The following PALS2 variants were observed in gnomAD, a reference collection of about 807,000 sequenced individuals.
PALS2 encodes the protein protein associated with LIN7 2, MAGUK p55 family member.
PALS2 carries 27 observed loss-of-function variants against 61.6 expected under a neutral mutation model. The ratio of observed to expected loss-of-function variants is 0.44; its 90% CI spans 0.32 to 0.60. The LOEUF is 0.60. Among genes scored for constraint, PALS2 ranks in the 20% least tolerant of loss-of-function variants. The pLI, the probability that PALS2 is intolerant of heterozygous loss-of-function variation, is 0.05. For synonymous variants in PALS2, 236 were observed against 218.6 expected, an observed-to-expected ratio of 1.08 and a Z score of -0.70; for missense variants, 554 against 639.4, an observed-to-expected ratio of 0.87 and a Z score of 1.44.
chr7:24,669,510 T>G (rs1787193961), intron 9 of PALS2, among the ~76,000 whole-genome samples: 1 of 152,226 alleles, frequency 6.6e-6, no homozygotes, highest in South Asian at 2.1e-4. Context: ...CTAACATTGC[T>G]TTCATTCCCA....
At chr7:24,607,654 C>T (rs533725379) in intron 1 of PALS2, among the ~76,000 whole-genome samples, 17 of 145,634 alleles carry the variant, frequency 1.2e-4, no homozygotes, top group East Asian at 7.9e-4. Context: ...TATATGTATG[C>T]GTATGTATAC....
chr7:24,674,925 A>G (rs1787483564), intron 9 of PALS2, among the ~76,000 whole-genome samples: 1 of 152,210 alleles, frequency 6.6e-6, no homozygotes, highest in African/African-American at 2.4e-5. Context: ...AAGAGCAGCT[A>G]AAATTGAGAA....
chr7:24,612,271 A>G (rs561814559), intron 1 of PALS2, among the ~76,000 whole-genome samples: 19 of 151,990 alleles, frequency 1.3e-4, no homozygotes, highest in African/African-American at 4.6e-4. Flanking sequence ...TTTATTGTAT[A>G]TTGTTTCATT....
rs533988487 is a variant in PALS2 at position 24,628,354 on chromosome 7, A to C, written c.117+4570A>C. Among the ~76,000 whole-genome samples the C allele has an allele frequency of 2.0e-5, 3 of 152,332 alleles. No homozygotes were observed. In the East Asian group the frequency reaches 5.8e-4, roughly 29 times the overall value. ...AAAACACTCAATAAACTAGGTATTGATGGAACATATCTCAAAATAAGAGCT... is the reference window on the plus strand; with the variant it reads ...AAAACACTCAATAAACTAGGTATTGCTGGAACATATCTCAAAATAAGAGCT... On this transcript the variant is annotated intron_variant, in intron 2 of 11. Coordinates refer to ENST00000222644, the MANE Select transcript of PALS2 (RefSeq NM_001303037.2).
At chr7:24,610,248 T>C (rs1012596050) in intron 1 of PALS2, among the ~76,000 whole-genome samples, 7 of 152,176 alleles carry the variant, frequency 4.6e-5, no homozygotes, top group Non-Finnish European at 7.4e-5. Flanking sequence ...GTAAGTAATT[T>C]ACCCGGGTTT....
chr7:24,616,844 C>T (rs1384303796), intron 1 of PALS2, among the ~76,000 whole-genome samples: 2 of 152,046 alleles, frequency 1.3e-5, no homozygotes, highest in African/African-American at 4.8e-5. Context: ...GTTTTTAGAA[C>T]TCTTTGTCTT....
At chr7:24,670,876 CT>C (rs1443119149) in intron 9 of PALS2, among the ~76,000 whole-genome samples, 1 of 152,122 alleles carries the variant, frequency 6.6e-6, no homozygotes, top group African/African-American at 2.4e-5. Context: ...TTTTCTTTTC[CT>C]TGCTAAGTGA....
chr7:24,689,579 CTTTTTTTT>C lies in PALS2; in HGVS notation c.*1975_*1982del, dbSNP rs973592655. 7.7e-6 allele frequency: 1 copy of C among 129,244 alleles called. No homozygotes were observed. The highest frequency in any genetic ancestry group is 1.7e-5 in the Non-Finnish European group (1 of 60,338). 8.0% of individuals were successfully genotyped at this position (129,244 alleles called of 1,614,324 possible). On this transcript the variant is annotated 3_prime_UTR_variant, in exon 12 of 12. Coordinates refer to ENST00000222644, the MANE Select transcript of PALS2 (RefSeq NM_001303037.2). Reference sequence around the variant, plus strand: ...TAAAGTTGGAAATCTATAGGTTTTTCTTTTTTTTTTTTTTTTTCTTTTTTTGATTCTAG... The same window carrying C: ...TAAAGTTGGAAATCTATAGGTTTTTCTTTTTTTTTCTTTTTTTGATTCTAG...
chr7:24,623,297 G>A (rs1199180345), intron 1 of PALS2, among the ~76,000 whole-genome samples: 1 of 150,178 alleles, frequency 6.7e-6, no homozygotes, highest in Non-Finnish European at 1.5e-5. Flanking sequence ...TTCTGAGCTT[G>A]TGGGAAGTTT....
rs1360739980 is a variant in PALS2, at chr7:24,689,797, T to A, written c.*2183T>A. On this transcript the variant is annotated 3_prime_UTR_variant, in exon 12 of 12. Transcript: ENST00000222644. ...CAAGGTGATGCCCTATGACAATGTT[T>A]CAACACACACTTGAAATTTTAAGAG... is the stretch of plus-strand genomic sequence containing the variant. The A allele has an allele frequency of 6.6e-6, 1 of 152,200 alleles. No individual in the cohort carries two copies. The highest frequency in any genetic ancestry group is 1.5e-5 in the Non-Finnish European group (1 of 68,034). 9.4% of individuals were successfully genotyped at this position (152,200 alleles called of 1,614,324 possible).
At chr7:24,649,504 T>A (rs2128077823) in intron 3 of PALS2, 108 bp from the exon 4 acceptor site, 1 of 980,332 alleles carries the variant, frequency 1.0e-6, no homozygotes, top group East Asian at 2.8e-5. Flanking sequence ...ACCATGTGCC[T>A]TGGAAATTTT....
At chr7:24,592,697 C>T (rs1365576424) in intron 1 of PALS2, among the ~76,000 whole-genome samples, 1 of 152,052 alleles carries the variant, frequency 6.6e-6, no homozygotes, top group Non-Finnish European at 1.5e-5. Context: ...TTTCCCAGTG[C>T]ATGTAAAAGT....
At chr7:24,659,792 A>G (rs1007521655) in intron 5 of PALS2, among the ~76,000 whole-genome samples, 2 of 152,234 alleles carry the variant, frequency 1.3e-5, no homozygotes, top group African/African-American at 4.8e-5. Context: ...CAGAGAGAGG[A>G]TGCAGGTAGC....
chr7:24,680,666 G>C, intron 11 of PALS2, 146 bp downstream of exon 11: 2 of 1,110,926 alleles, frequency 1.8e-6, no homozygotes, highest in South Asian at 1.9e-5. Context: ...TGCGATCTCA[G>C]CTCGTTGCAA....
At chr7:24,655,547 C>T (rs1184404585) in intron 5 of PALS2, among the ~76,000 whole-genome samples, 2 of 149,014 alleles carry the variant, frequency 1.3e-5, no homozygotes, top group Non-Finnish European at 3.0e-5. Context: ...ATTGAATCGA[C>T]AAAAGCAGTC....
chr7:24,575,196 T>C (rs1782599233), intron 1 of PALS2, among the ~76,000 whole-genome samples: 2 of 152,222 alleles, frequency 1.3e-5, no homozygotes, highest in Non-Finnish European at 2.9e-5. Context: ...CACACCATCT[T>C]TATGAAAGAG....
chr7:24,625,643 A>C lies in PALS2; in HGVS notation c.117+1859A>C, dbSNP rs1262694226. On this transcript the variant is annotated intron_variant, in intron 2 of 11. Coordinates refer to ENST00000222644, the MANE Select transcript of PALS2 (RefSeq NM_001303037.2). ...TTCTTAAAAACTGGTGGGAGTAAAA[A>C]TTTACTGATTTTATGCCATTGATGT... Among the ~76,000 whole-genome samples the C allele has an allele frequency of 3.9e-5, 6 of 152,110 alleles. No individual in the cohort carries two copies. The East Asian group carries it at 9.6e-4, about 24-fold the overall frequency.
chr7:24,649,637 T>C lies in PALS2; in HGVS notation c.296T>C (p.Val99Ala). ...TCACTGTTGGAGGCCCATGATATTG[T>C]GGCATCAAAGTGTTATGATTCACCT... Reference protein sequence around the residue: ...FQSLLEAHDIVASKCYDSPPS... With the variant: ...FQSLLEAHDIAASKCYDSPPS... Residue 99 changes from valine (V) to alanine (A), a missense_variant, in exon 4 of 12, where the codon GTG becomes GCG. Val to Ala is a moderately conservative substitution (Grantham distance 64). Coordinates refer to ENST00000222644, the MANE Select transcript of PALS2 (RefSeq NM_001303037.2). The C allele has an allele frequency of 6.2e-7, 1 of 1,610,010 alleles. No homozygotes were observed. Among genetic ancestry groups the C allele is most frequent in the Non-Finnish European group, 8.5e-7 (1 of 1,178,228 alleles).
At position 24,650,181 on chromosome 7, in the gene PALS2, G is replaced by C. The variant is rs112457692; in HGVS notation, c.424-304G>C. Among the ~76,000 whole-genome samples, 1,173 of 152,202 alleles carry C rather than the reference G, an allele frequency of 7.7e-3. 15 individuals are homozygous for C. The highest frequency in any genetic ancestry group is 0.026 in the African/African-American group (1,085 of 41,526). ...GGTAAAATTATTACTTCTGGATCCT[G>C]ACTATAAGAACAGTGAGTGCAAAAA... On this transcript the variant is annotated intron_variant, in intron 4 of 11. Coordinates refer to ENST00000222644, the MANE Select transcript of PALS2 (RefSeq NM_001303037.2).
Sources: gnomAD v4.1 joint callset for allele counts (sites outside exome capture counted in the v4.1 genomes callset) on GRCh38, gnomAD v4.1.1 for gene constraint, MANE v1.5 for transcripts, NCBI Gene and HGNC (gene_info 2026-07-23, HGNC 2026-07-21) for gene names.